PSMD1: variants seen among roughly 807,000 people sequenced by gnomAD.
PSMD1 encodes the protein proteasome 26S subunit, non-ATPase 1.
In PSMD1, 18 loss-of-function variants were observed where a neutral mutation model predicts 119.0. The ratio of observed to expected loss-of-function variants is 0.15; its 90% CI spans 0.10 to 0.22. The LOEUF is 0.22. Among genes scored for constraint, PSMD1 ranks in the 10% least tolerant of loss-of-function variants. PSMD1 has a pLI of 1.00. For missense variants in PSMD1, 702 were observed against 1,158.5 expected, an observed-to-expected ratio of 0.61 and a Z score of 5.72; for synonymous variants, 374 against 396.6, an observed-to-expected ratio of 0.94 and a Z score of 0.68.
chr2:231,149,407 G>C (rs1696323450), intron 18 of PSMD1, among the ~76,000 whole-genome samples: 1 of 152,162 alleles, frequency 6.6e-6, no homozygotes, highest in Non-Finnish European at 1.5e-5. Context: ...GGCTGAGGCA[G>C]GAGACTCGCT....
chr2:231,099,810 C>T (rs1448820186), intron 16 of PSMD1, among the ~76,000 whole-genome samples: 6 of 152,136 alleles, frequency 3.9e-5, no homozygotes, highest in African/African-American at 7.2e-5. Flanking sequence ...TCTTTTTAAC[C>T]TCTAAGCCAC....
chr2:231,122,722 G>T (rs193167610), intron 16 of PSMD1, among the ~76,000 whole-genome samples: 1 of 151,572 alleles, frequency 6.6e-6, no homozygotes, highest in Admixed American at 6.6e-5. Flanking sequence ...TTTTATTATC[G>T]CAATAACTAG....
intron 23 of PSMD1, among the ~76,000 whole-genome samples, chr2:231,167,407 A>T (rs1274321854): frequency 6.6e-6 from 1 of 152,270 alleles, no homozygotes; most frequent in Non-Finnish European, 1.5e-5. Context: ...CCATGAGGCC[A>T]TATGAGCACA....
chr2:231,112,127 G>T (rs1360219892), intron 16 of PSMD1, among the ~76,000 whole-genome samples: 2 of 151,476 alleles, frequency 1.3e-5, no homozygotes, highest in Non-Finnish European at 1.5e-5. Context: ...CCCTTTCTCT[G>T]TCCAACTCTC....
chr2:231,081,290 G>T (rs1694304340), intron 12 of PSMD1, among the ~76,000 whole-genome samples: 1 of 151,786 alleles, frequency 6.6e-6, no homozygotes, highest in Non-Finnish European at 1.5e-5. Context: ...ATCAGATAGG[G>T]TTTATGGTTA....
At chr2:231,101,882 G>A (rs1223264141) in intron 16 of PSMD1, among the ~76,000 whole-genome samples, 2 of 152,208 alleles carry the variant, frequency 1.3e-5, no homozygotes, top group African/African-American at 4.8e-5. Flanking sequence ...GTGCAGTGGT[G>A]TGATCATTGC....
intron 1 of PSMD1, among the ~76,000 whole-genome samples, chr2:231,059,025 A>G (rs61294225): frequency 0.13 from 19,742 of 152,170 alleles, 1,710 homozygotes; most frequent in Non-Finnish European, 0.17. Flanking sequence ...TGCTGAGAGC[A>G]TGGCAGAAAT....
chr2:231,094,089 T>C (rs1328922265), intron 16 of PSMD1, among the ~76,000 whole-genome samples: 1 of 152,176 alleles, frequency 6.6e-6, no homozygotes, highest in Non-Finnish European at 1.5e-5. Flanking sequence ...AACATCTGTT[T>C]GCCATAACTG....
At chr2:231,097,605 G>A (rs1440024497) in intron 16 of PSMD1, among the ~76,000 whole-genome samples, 1 of 152,072 alleles carries the variant, frequency 6.6e-6, no homozygotes, top group African/African-American at 2.4e-5. Flanking sequence ...AATCGCTGCT[G>A]GTTGTAATAG....
At chr2:231,117,600 T>G (rs1695388559) in intron 16 of PSMD1, among the ~76,000 whole-genome samples, 1 of 152,142 alleles carries the variant, frequency 6.6e-6, no homozygotes, top group African/African-American at 2.4e-5. Flanking sequence ...AATATTTTAT[T>G]GTTTAAAATG....
At chr2:231,108,050 A>T (rs1419785202) in intron 16 of PSMD1, among the ~76,000 whole-genome samples, 1 of 152,066 alleles carries the variant, frequency 6.6e-6, no homozygotes, top group Non-Finnish European at 1.5e-5. Context: ...ATCTTAACTC[A>T]CCTCCAGATG....
chr2:231,134,495 A>G (rs1574761212), intron 16 of PSMD1, among the ~76,000 whole-genome samples: 1 of 152,234 alleles, frequency 6.6e-6, no homozygotes, highest in African/African-American at 2.4e-5. Context: ...ATGACTGACT[A>G]GACCCAGCCA....
intron 7 of PSMD1, among the ~76,000 whole-genome samples, chr2:231,074,993 T>A (rs948368444): frequency 6.6e-6 from 1 of 152,192 alleles, no homozygotes; most frequent in Admixed American, 6.5e-5. Context: ...TATACCTAGT[T>A]CATTATTTAA....
At chr2:231,062,830 T>C (rs960419564) in intron 4 of PSMD1, 155 bp downstream of exon 4, 1 of 579,838 alleles carries the variant, frequency 1.7e-6, no homozygotes, top group Non-Finnish European at 2.7e-6. Flanking sequence ...GCTGAGTTTT[T>C]AGATCTGCCC....
chr2:231,111,890 G>A lies in PSMD1; in HGVS notation c.1883+24709G>A, dbSNP rs575391265. Among the ~76,000 whole-genome samples, 12 of 151,950 alleles carry A rather than the reference G, an allele frequency of 7.9e-5. No homozygotes were observed. The South Asian group carries it at 1.0e-3, about 13-fold the overall frequency. Reference sequence around the variant, plus strand: ...GTTAGTGTAATTTGTTTATATGTCCGCCTTTCTTGAATGCAAAGATTCTTT... The same window carrying A: ...GTTAGTGTAATTTGTTTATATGTCCACCTTTCTTGAATGCAAAGATTCTTT... On this transcript the variant is annotated intron_variant, in intron 16 of 24. Transcript: ENST00000308696.
intron 16 of PSMD1, among the ~76,000 whole-genome samples, chr2:231,119,048 C>T (rs1695441743): frequency 6.6e-6 from 1 of 152,174 alleles, no homozygotes; most frequent in Admixed American, 6.5e-5. Flanking sequence ...TTTTTCACTA[C>T]ATTTGAGCAT....
At chr2:231,057,754 T>C (rs951524958) in intron 1 of PSMD1, among the ~76,000 whole-genome samples, 3 of 152,240 alleles carry the variant, frequency 2.0e-5, no homozygotes, top group Admixed American at 6.5e-5. Context: ...AACCATTGCA[T>C]AGGTAGATTC....
At chr2:231,111,201 A>G (rs1342934501) in intron 16 of PSMD1, among the ~76,000 whole-genome samples, 1 of 152,072 alleles carries the variant, frequency 6.6e-6, no homozygotes, top group African/African-American at 2.4e-5. Context: ...GACTCTAATT[A>G]TTATTATTTG....
chr2:231,062,161 T>G lies in PSMD1; in HGVS notation c.61-87T>G, dbSNP rs1295650107. On this transcript the variant is annotated intron_variant, in intron 2 of 24. Transcript: ENST00000308696. ...AAGTTTGAGTAAATATTACTGAGGA[T>G]TTGATCATTGATTTGCTGAAAAGAA... 4.8e-6 allele frequency: 4 copies of G among 833,292 alleles called. No individual in the cohort carries two copies. The East Asian group carries it at 1.0e-4, about 21-fold the overall frequency. 51.6% of individuals were successfully genotyped at this position (833,292 alleles called of 1,614,324 possible).
Sources: allele counts gnomAD v4.1 joint callset (sites outside exome capture counted in the v4.1 genomes callset), GRCh38; gene constraint gnomAD v4.1.1; transcripts MANE v1.5; gene names NCBI Gene and HGNC (gene_info 2026-07-23, HGNC 2026-07-21).